The following NADSYN1 variants were observed in gnomAD, a reference collection of about 807,000 sequenced individuals.
The protein encoded by NADSYN1 is glutamine-dependent NAD(+) synthetase.
NADSYN1 carries 80 observed loss-of-function variants against 99.3 expected under a neutral mutation model. The observed-to-expected ratio is 0.81, with a 90% CI of 0.67 to 0.97. The LOEUF (loss-of-function observed/expected upper bound fraction) is 0.97. Ranked by LOEUF, NADSYN1 falls within the 50% of genes least tolerant of loss-of-function variation. The pLI, the probability that NADSYN1 is intolerant of heterozygous loss-of-function variation, is 0.00. For missense variants in NADSYN1, 859 were observed against 948.5 expected, an observed-to-expected ratio of 0.91 and a Z score of 1.24; for synonymous variants, 385 against 372.1, an observed-to-expected ratio of 1.03 and a Z score of -0.40.
chr11:71,467,500 G>A lies in NADSYN1; in HGVS notation c.407+3358G>A, dbSNP rs1290963300. ...GCTCAACACAGAATAGAAGATAAGT[G>A]TTCCTAATACACTGAAGTAAATTGA... On this transcript the variant is annotated intron_variant, in intron 5 of 20. Transcript: ENST00000319023. 2.0e-5 allele frequency among the ~76,000 whole-genome samples: 3 copies of A among 152,210 alleles called. No individual in the cohort carries two copies. The East Asian group carries it at 5.8e-4, about 29-fold the overall frequency.
At chr11:71,471,055 T>TAG (rs758292218) in intron 5 of NADSYN1, among the ~76,000 whole-genome samples, 39 of 152,316 alleles carry the variant, frequency 2.6e-4, no homozygotes, top group Non-Finnish European at 5.4e-4. Flanking sequence ...ATTTGTGCTT[T>TAG]TGTTGAGAAA....
chr11:71,481,813 C>G (rs1008411033), intron 12 of NADSYN1, 110 bp from the exon 13 acceptor site: 29 of 869,702 alleles, frequency 3.3e-5, no homozygotes, highest in Non-Finnish European at 5.4e-6. Context: ...CTAACACCCA[C>G]GTGCATTTCT....
chr11:71,476,405 G>A lies in NADSYN1; in HGVS notation c.798+1879G>A, dbSNP rs79734987. ...CAGTTCATTGCTTTGCTCCCGCTGC[G>A]TTCCCATCCTCATGATTCTGTCTGG... On this transcript the variant is annotated intron_variant, in intron 9 of 20. Coordinates refer to ENST00000319023, the MANE Select transcript of NADSYN1 (RefSeq NM_018161.5). The A allele has an allele frequency of 1.8e-3, 565 of 316,626 alleles. 6 individuals are homozygous for A. The highest frequency in any genetic ancestry group is 0.012 in the African/African-American group (538 of 46,248). The allele number at this position is 316,626 out of a possible 1,614,324, so 19.6% of individuals were successfully genotyped here. A position where few individuals can be genotyped will look rare whatever the true frequency, so the allele number is the denominator to read the frequency against.
At chr11:71,494,509 G>A (rs1045517809) in intron 18 of NADSYN1, among the ~76,000 whole-genome samples, 1 of 151,400 alleles carries the variant, frequency 6.6e-6, no homozygotes, top group Non-Finnish European at 1.5e-5. Context: ...AGTGATGCGC[G>A]CCTGTCTTTC....
chr11:71,493,384 T>A (rs1187142458), intron 18 of NADSYN1, among the ~76,000 whole-genome samples: 3 of 152,042 alleles, frequency 2.0e-5, no homozygotes, highest in Non-Finnish European at 4.4e-5. Flanking sequence ...ATTGACCATA[T>A]ACCCTGCACC....
chr11:71,498,643 T>A (rs1949837026), intron 20 of NADSYN1, 115 bp downstream of exon 20: 2 of 1,165,708 alleles, frequency 1.7e-6, no homozygotes, highest in South Asian at 1.6e-5. Context: ...TTTTTTACTG[T>A]CCTCCTTTCT....
intron 8 of NADSYN1, among the ~76,000 whole-genome samples, chr11:71,474,057 G>T (rs1949647622): frequency 6.6e-6 from 1 of 152,222 alleles, no homozygotes. Context: ...GGCAGATGTG[G>T]GTCTAGCTGA....
intron 2 of NADSYN1, among the ~76,000 whole-genome samples, chr11:71,456,465 G>A (rs769173761): frequency 2.0e-5 from 3 of 152,180 alleles, no homozygotes; most frequent in Non-Finnish European, 4.4e-5. Flanking sequence ...TGATCGTCTC[G>A]TGAGCCTGAC....
chr11:71,480,235 G>A (rs115644578), intron 10 of NADSYN1: 3,092 of 155,388 alleles, frequency 0.02, 90 homozygotes, highest in African/African-American at 0.071. Context: ...GTACAATGGC[G>A]CAATCCCAGC....
Position 71,491,832 on chromosome 11 carries a change from A to G in NADSYN1, c.1695-2A>G. 6.2e-7 allele frequency: 1 copy of G among 1,613,910 alleles called. No individual in the cohort carries two copies. Among genetic ancestry groups the G allele is most frequent in the Non-Finnish European group, 8.5e-7 (1 of 1,179,960 alleles). On this transcript the variant is annotated splice_acceptor_variant, in intron 17 of 20. Transcript: ENST00000319023. LOFTEE classifies it high-confidence loss of function. The stretch of plus-strand genomic sequence containing the variant: ...ACCGACCTCTGTGTGTTTTGGCTGC[A>G]GCATCCTGTTGGCGCCGGCCACCGC...
At chr11:71,457,762 C>G (rs1027258332) in intron 2 of NADSYN1, among the ~76,000 whole-genome samples, 7 of 152,172 alleles carry the variant, frequency 4.6e-5, no homozygotes, top group African/African-American at 1.7e-4. Context: ...CTGCCTCCGT[C>G]CTCATGTTGC....
intron 1 of NADSYN1, among the ~76,000 whole-genome samples, chr11:71,454,419 C>A (rs1949499812): frequency 6.6e-6 from 1 of 152,230 alleles, no homozygotes; most frequent in Admixed American, 6.5e-5. Flanking sequence ...ACCATGGTGG[C>A]CATGCTGGCC....
At chr11:71,453,497 C>A (rs1028335227) in intron 1 of NADSYN1, 116 bp downstream of exon 1, 2 of 971,070 alleles carry the variant, frequency 2.1e-6, no homozygotes, top group Non-Finnish European at 3.1e-6. Context: ...CGGCCCTGGG[C>A]ATGGGATCAG....
intron 18 of NADSYN1, chr11:71,497,007 G>T (rs1162662424): frequency 5.9e-6 from 1 of 168,756 alleles, no homozygotes; most frequent in Non-Finnish European, 1.3e-5. Context: ...CCCACAAGTA[G>T]CTGGGACTGC....
intron 5 of NADSYN1, among the ~76,000 whole-genome samples, chr11:71,469,764 T>A (rs1292384522): frequency 6.6e-6 from 1 of 152,056 alleles, no homozygotes; most frequent in Non-Finnish European, 1.5e-5. Context: ...CATGTCACAG[T>A]GCTGCAGAGA....
chr11:71,476,939 C>T, intron 9 of NADSYN1: 1 of 991,194 alleles, frequency 1.0e-6, no homozygotes, highest in Non-Finnish European at 1.2e-6. Context: ...CCTGATGTTG[C>T]CTGAGAGCTC....
chr11:71,474,298 C>A, intron 8 of NADSYN1, 97 bp from the exon 9 acceptor site: 2 of 1,514,146 alleles, frequency 1.3e-6, no homozygotes, highest in South Asian at 1.2e-5. Flanking sequence ...TCAGGATGAC[C>A]TAGCGGGACT....
chr11:71,481,914 C>T lies in NADSYN1; in HGVS notation c.1048-9C>T, dbSNP rs746252032. The T allele has an allele frequency of 1.8e-4, 284 of 1,611,494 alleles. No individual in the cohort carries two copies. The highest frequency in any genetic ancestry group is 2.3e-4 in the Non-Finnish European group (268 of 1,178,624). ...GCTCTGCTCACGCTGTCTGATTGGT[C>T]CATTCCAGGCAGGGTTTTTGCTGCC... On this transcript the variant is annotated splice_polypyrimidine_tract_variant and intron_variant, in intron 12 of 20. Coordinates refer to ENST00000319023, the MANE Select transcript of NADSYN1 (RefSeq NM_018161.5).
rs376188555 is a variant in NADSYN1, at chr11:71,501,123, G to A, written c.2071-179G>A. On this transcript the variant is annotated intron_variant, in intron 20 of 20. Coordinates refer to ENST00000319023, the MANE Select transcript of NADSYN1 (RefSeq NM_018161.5). ...CTGTCATCTGCAGTGACAGCTATGC[G>A]TGATCTGGACCCGCCCCTCCAGGCT... is the stretch of plus-strand genomic sequence containing the variant. Among the ~76,000 whole-genome samples the A allele has an allele frequency of 1.7e-4, 26 of 152,346 alleles. No homozygotes were observed. The East Asian group carries it at 2.5e-3, about 15-fold the overall frequency.
Sources: allele counts gnomAD v4.1 joint callset (sites outside exome capture counted in the v4.1 genomes callset), GRCh38; gene constraint gnomAD v4.1.1; transcripts MANE v1.5; gene names NCBI Gene and HGNC (gene_info 2026-07-23, HGNC 2026-07-21).